Variants in ARHGEF10L observed in about 807,000 individuals in gnomAD.
ARHGEF10L encodes rho guanine nucleotide exchange factor 10-like protein.
ARHGEF10L carries 69 observed loss-of-function variants against 141.2 expected under a neutral mutation model. The observed-to-expected ratio is 0.49, with a 90% confidence interval of 0.40 to 0.60. The LOEUF is 0.60. Among genes scored for constraint, ARHGEF10L ranks in the 20% least tolerant of loss-of-function variants. The pLI is 0.00. For synonymous variants in ARHGEF10L, 711 were observed against 718.5 expected, an observed-to-expected ratio of 0.99 and a Z score of 0.17; for missense variants, 1,482 against 1,734.3, an observed-to-expected ratio of 0.85 and a Z score of 2.58.
intron 22 of ARHGEF10L, among the ~76,000 whole-genome samples, chr1:17,652,756 TG>T (rs2101989913): frequency 6.6e-6 from 1 of 152,216 alleles, no homozygotes; most frequent in Admixed American, 6.5e-5. Context: ...AGAGCCCACC[TG>T]GGGACAGGGC....
At chr1:17,634,436 C>T in intron 16 of ARHGEF10L, 112 bp from the exon 17 acceptor site, 1 of 1,563,266 alleles carries the variant, frequency 6.4e-7, no homozygotes, top group Non-Finnish European at 8.8e-7. Flanking sequence ...GCTGTCTCTC[C>T]TTCTATTCCC....
Position 17,654,786 on chromosome 1 carries a change from C to G in ARHGEF10L, c.2481+64C>G. The G allele has an allele frequency of 6.8e-7, 1 of 1,466,128 alleles. No individual in the cohort carries two copies. Among genetic ancestry groups the G allele is most frequent in the Non-Finnish European group, 9.5e-7 (1 of 1,051,556 alleles). 90.8% of individuals were successfully genotyped at this position (1,466,128 alleles called of 1,614,324 possible). A position where few individuals can be genotyped will look rare whatever the true frequency, so the allele number is the denominator to read the frequency against. On this transcript the variant is annotated intron_variant, in intron 23 of 28. Transcript: ENST00000361221. The surrounding 1 kb of genome is among the most constrained non-coding windows in gnomAD (Gnocchi z 4.3). ...AGGACAGGAGTAGGGAGAGCGGCAC[C>G]TGGGAGGGGGTGCTGGAGACAGCAG...
intron 1 of ARHGEF10L, among the ~76,000 whole-genome samples, chr1:17,572,021 G>C (rs2078022833): frequency 6.6e-6 from 1 of 152,250 alleles, no homozygotes; most frequent in South Asian, 2.1e-4. Context: ...CCCATCTGCA[G>C]ACCTGTGGAC....
At chr1:17,676,519 C>T (rs2063735861) in intron 26 of ARHGEF10L, among the ~76,000 whole-genome samples, 1 of 151,968 alleles carries the variant, frequency 6.6e-6, no homozygotes, top group Non-Finnish European at 1.5e-5. Flanking sequence ...GCGAGGCCTG[C>T]AGGCTCCATG....
At position 17,641,516 on chromosome 1, in the gene ARHGEF10L, G is replaced by A. The variant is rs143796677; in HGVS notation, c.2272+1214G>A. On this transcript the variant is annotated intron_variant, in intron 21 of 28. Transcript: ENST00000361221. ...CACACGCCTGTAGTCCCAGCTACTC[G>A]GGAGGCCAAAGCAGGAGAATTGCTT... Among the ~76,000 whole-genome samples, 506 of 151,966 alleles carry A rather than the reference G, an allele frequency of 3.3e-3. 3 individuals carry two copies. The highest frequency in any genetic ancestry group is 6.8e-3 in the Middle Eastern group (2 of 294).
chr1:17,633,282 T>G (rs573388398), intron 16 of ARHGEF10L, among the ~76,000 whole-genome samples: 84 of 152,342 alleles, frequency 5.5e-4, no homozygotes, highest in Non-Finnish European at 9.4e-4. Flanking sequence ...GAACTTCAGC[T>G]GTGGTTTTTC....
rs2077797370 is a variant in ARHGEF10L, at chr1:17,567,317, G to T, written c.-43-13236G>T. 2.0e-5 allele frequency among the ~76,000 whole-genome samples: 3 copies of T among 152,198 alleles called. No homozygotes were observed. The South Asian group carries it at 6.2e-4, about 32-fold the overall frequency. On this transcript the variant is annotated intron_variant, in intron 1 of 28. Coordinates refer to ENST00000361221, the MANE Select transcript of ARHGEF10L (RefSeq NM_018125.4). ...TGTCAAGTGACATTGGGGACATGCTGGTGGATCATTGAAGGTTTGCTGCCT... is the reference window on the plus strand; with the variant it reads ...TGTCAAGTGACATTGGGGACATGCTTGTGGATCATTGAAGGTTTGCTGCCT...
chr1:17,550,149 C>T (rs2077058685), intron 1 of ARHGEF10L, among the ~76,000 whole-genome samples: 1 of 152,132 alleles, frequency 6.6e-6, no homozygotes, highest in Admixed American at 6.5e-5. Flanking sequence ...CAGCTGGAAT[C>T]AACTGGAATT....
chr1:17,577,395 C>T (rs1469409158), intron 1 of ARHGEF10L, among the ~76,000 whole-genome samples: 1 of 152,062 alleles, frequency 6.6e-6, no homozygotes. Context: ...AAACTGAGGC[C>T]CAGAGATAGG....
chr1:17,536,383 A>AG (rs1433084911), upstream of ARHGEF10L, among the ~76,000 whole-genome samples: 2 of 152,148 alleles, frequency 1.3e-5, no homozygotes, highest in African/African-American at 4.8e-5. Context: ...AGGCTGTGGT[A>AG]GGGGGGTCAC....
intron 1 of ARHGEF10L, among the ~76,000 whole-genome samples, chr1:17,548,215 A>G (rs1346588840): frequency 1.3e-5 from 2 of 152,184 alleles, no homozygotes. Flanking sequence ...TTAAACTGAC[A>G]AAAGACAGAT....
chr1:17,666,990 G>GGAA (rs141361130), intron 26 of ARHGEF10L, among the ~76,000 whole-genome samples: 12,637 of 152,132 alleles, frequency 0.083, 1,424 homozygotes, highest in African/African-American at 0.25. Flanking sequence ...TCTCAAGCCA[G>GGAA]GAAGGACATG....
intron 1 of ARHGEF10L, among the ~76,000 whole-genome samples, chr1:17,564,030 G>A (rs969662565): frequency 1.3e-5 from 2 of 152,206 alleles, no homozygotes; most frequent in African/African-American, 4.8e-5. Context: ...GAGAGAGATG[G>A]ATGCTGCCAG....
In ARHGEF10L at chr1:17,623,736, C is replaced by G. The variant is rs545445777; in HGVS notation, c.1200+561C>G. Among the ~76,000 whole-genome samples, 10 of 152,152 alleles carry G rather than the reference C, an allele frequency of 6.6e-5. No individual in the cohort carries two copies. Among genetic ancestry groups the G allele is most frequent in the African/African-American group, 2.4e-4 (10 of 41,436 alleles). On this transcript the variant is annotated intron_variant, in intron 12 of 28. Coordinates refer to ENST00000361221, the MANE Select transcript of ARHGEF10L (RefSeq NM_018125.4). This position sits in a 1 kb window ranked among gnomAD's most constrained non-coding sequence, Gnocchi z 4.7. ...GCTTTTCTAGCTGAAGTCTGCGGAC[C>G]CCAGATGTTCATGGGGTGAGGGAAG...
intron 26 of ARHGEF10L, among the ~76,000 whole-genome samples, chr1:17,675,010 C>T (rs1428435264): frequency 6.6e-6 from 1 of 152,154 alleles, no homozygotes; most frequent in Non-Finnish European, 1.5e-5. Context: ...CAACACGTGG[C>T]TGTATCATAT....
intron 1 of ARHGEF10L, among the ~76,000 whole-genome samples, chr1:17,540,428 C>T (rs1485076829): frequency 1.3e-5 from 2 of 152,138 alleles, no homozygotes; most frequent in Non-Finnish European, 2.9e-5. Flanking sequence ...ACGGGACGGC[C>T]TCCTGCAGGA....
chr1:17,692,948 C>T (rs1032778788), intron 27 of ARHGEF10L, among the ~76,000 whole-genome samples: 15 of 152,150 alleles, frequency 9.9e-5, no homozygotes, highest in African/African-American at 3.1e-4. Context: ...GCCACCTCCG[C>T]CTTGTCACCC....
Position 17,656,114 on chromosome 1 carries a change from G to T in ARHGEF10L, c.2705+12G>T, listed in dbSNP as rs772422566. ...CTCCAGGATGGCAGGTGAGGGGCCC[G>T]GAAGGAGGGGTGAGAGCAGCCTCTG... On this transcript the variant is annotated intron_variant, in intron 24 of 28. Transcript: ENST00000361221. This position sits in a 1 kb window ranked among gnomAD's most constrained non-coding sequence, Gnocchi z 4.9. The T allele has an allele frequency of 2.5e-5, 38 of 1,549,460 alleles. No individual in the cohort carries two copies. The East Asian group carries it at 8.3e-4, about 34-fold the overall frequency.
At chr1:17,669,191 C>T (rs1011989553) in intron 26 of ARHGEF10L, among the ~76,000 whole-genome samples, 17 of 152,266 alleles carry the variant, frequency 1.1e-4, no homozygotes, top group African/African-American at 1.9e-4. Flanking sequence ...TTCTTAGAGC[C>T]GTTCAATGCT....
Sources: gnomAD v4.1 joint callset for allele counts (sites outside exome capture counted in the v4.1 genomes callset) on GRCh38, gnomAD v4.1.1 for gene constraint, Gnocchi (gnomAD v3.1) non-coding constraint, MANE v1.5 for transcripts, NCBI Gene and HGNC (gene_info 2026-07-23, HGNC 2026-07-21) for gene names.